Variants in USH2A observed in about 807,000 individuals in gnomAD.
USH2A encodes Usher syndrome 2A (autosomal recessive, mild).
Under a neutral mutation model 538.9 loss-of-function variants are expected in USH2A, and 443 were observed. The ratio of observed to expected loss-of-function variants is 0.82; its 90% confidence interval spans 0.76 to 0.89. USH2A has a LOEUF of 0.89. USH2A is among the 40% of genes least tolerant of loss of function. The pLI, the probability that USH2A is intolerant of heterozygous loss-of-function variation, is 0.00. For missense variants in USH2A, 6,633 were observed against 6,324.8 expected (o/e 1.05, Z -1.65); for synonymous variants, 2,413 against 2,273.5 (o/e 1.06, Z -1.75).
At chr1:215,907,990 A>T (rs1665682399) in intron 38 of USH2A, among the ~76,000 whole-genome samples, 1 of 152,086 alleles carries the variant, frequency 6.6e-6, no homozygotes, top group Non-Finnish European at 1.5e-5. Flanking sequence ...TTACAAAAAA[A>T]TGTGAAAAAT....
chr1:216,200,002 C>G lies in USH2A; in HGVS notation c.3436G>C (p.Gly1146Arg), dbSNP rs758451679. The part of the protein sequence containing the change: ...SVAVTYKTKP[G>R]VPEGNLTLSY... ...AAAGTCAAGTTTCCCTCTGGGACCC[C>G]TGGTTTTGTCTTGTAAGTGACAGCT... The change falls in exon 17 of 72, where the codon GGG (glycine) becomes CGG (arginine). Residue 1146 changes from glycine (G) to arginine (R), a missense_variant. Gly to Arg is a moderately radical substitution (Grantham distance 125, BLOSUM62 -2). Transcript: ENST00000307340. 1.2e-6 allele frequency: 2 copies of G among 1,614,004 alleles called. No homozygotes were observed. The highest frequency in any genetic ancestry group is 2.2e-5 in the East Asian group (1 of 44,846).
chr1:216,328,353 T>C (rs1201270732), intron 4 of USH2A, among the ~76,000 whole-genome samples: 1 of 152,150 alleles, frequency 6.6e-6, no homozygotes, highest in Non-Finnish European at 1.5e-5. Flanking sequence ...CATGGTATTA[T>C]TTTATTTGTT....
chr1:215,716,366 T>C (rs1659487729), intron 61 of USH2A, among the ~76,000 whole-genome samples: 1 of 152,222 alleles, frequency 6.6e-6, no homozygotes, highest in Non-Finnish European at 1.5e-5. Context: ...TTCAGTCCAC[T>C]TATAGAAACC....
At chr1:215,935,085 A>G (rs1666460428) in intron 37 of USH2A, among the ~76,000 whole-genome samples, 1 of 152,102 alleles carries the variant, frequency 6.6e-6, no homozygotes, top group African/African-American at 2.4e-5. Context: ...ACAAGTATCA[A>G]GCATATAAGT....
intron 38 of USH2A, among the ~76,000 whole-genome samples, chr1:215,931,083 A>T (rs1476005560): frequency 6.6e-6 from 1 of 151,982 alleles, no homozygotes; most frequent in Non-Finnish European, 1.5e-5. Flanking sequence ...TGGAAAAAAC[A>T]GAGACGCCCC....
chr1:215,993,492 G>C (rs185282969), intron 34 of USH2A, among the ~76,000 whole-genome samples: 1 of 121,052 alleles, frequency 8.3e-6, no homozygotes, highest in Admixed American at 8.1e-5. Flanking sequence ...TTGCACAAAG[G>C]TTCCCAGAGT....
At chr1:215,881,059 T>C (rs749844087) in intron 41 of USH2A, among the ~76,000 whole-genome samples, 1 of 152,154 alleles carries the variant, frequency 6.6e-6, no homozygotes, top group African/African-American at 2.4e-5. Flanking sequence ...TGAGCAGAGA[T>C]TGCACCATTG....
chr1:216,334,803 A>G (rs572545635), intron 4 of USH2A, among the ~76,000 whole-genome samples: 1 of 152,000 alleles, frequency 6.6e-6, no homozygotes, highest in Non-Finnish European at 1.5e-5. Context: ...ACAACAGTAA[A>G]ATGACAAATT....
intron 30 of USH2A, among the ~76,000 whole-genome samples, chr1:216,060,550 G>A (rs1366995326): frequency 6.6e-6 from 1 of 152,076 alleles, no homozygotes; most frequent in African/African-American, 2.4e-5. Context: ...TATCATTATT[G>A]ATTCATTTGC....
intron 9 of USH2A, among the ~76,000 whole-genome samples, chr1:216,293,004 A>C (rs1484375396): frequency 2.7e-5 from 4 of 149,656 alleles, no homozygotes; most frequent in African/African-American, 7.4e-5. Flanking sequence ...ATAACTTATC[A>C]CACTGAACAC....
chr1:215,970,558 T>C (rs761873158), intron 36 of USH2A, 67 bp downstream of exon 36: 5 of 1,606,338 alleles, frequency 3.1e-6, no homozygotes, highest in Non-Finnish European at 4.3e-6. Flanking sequence ...CGCCACTTAC[T>C]TCTTCCTTAA....
intron 61 of USH2A, among the ~76,000 whole-genome samples, chr1:215,707,043 A>C (rs1313953199): frequency 6.6e-6 from 1 of 152,232 alleles, no homozygotes; most frequent in African/African-American, 2.4e-5. Flanking sequence ...TCATTTAGGC[A>C]GATCAAAGAT....
chr1:215,929,386 T>G (rs1308331167), intron 38 of USH2A, among the ~76,000 whole-genome samples: 5 of 152,052 alleles, frequency 3.3e-5, no homozygotes, highest in Non-Finnish European at 1.5e-5. Flanking sequence ...CTTCCCATGC[T>G]TCCTGCTTAC....
At chr1:216,249,235 AGTC>A (rs2036111204) in intron 12 of USH2A, among the ~76,000 whole-genome samples, 1 of 152,100 alleles carries the variant, frequency 6.6e-6, no homozygotes, top group South Asian at 2.1e-4. Context: ...GAAGTAATTT[AGTC>A]TTCACAAAAT....
At chr1:215,649,544 T>C (rs934792016) in intron 65 of USH2A, among the ~76,000 whole-genome samples, 1 of 152,256 alleles carries the variant, frequency 6.6e-6, no homozygotes, top group Non-Finnish European at 1.5e-5. Flanking sequence ...TAAGCATGGA[T>C]AATCAAGGGT....
At chr1:215,917,132 C>T (rs903926395) in intron 38 of USH2A, among the ~76,000 whole-genome samples, 1 of 152,054 alleles carries the variant, frequency 6.6e-6, no homozygotes, top group Non-Finnish European at 1.5e-5. Context: ...TCATAATGCC[C>T]AGAAGAATTT....
chr1:216,331,721 T>C (rs2037866763), intron 4 of USH2A, among the ~76,000 whole-genome samples: 1 of 152,122 alleles, frequency 6.6e-6, no homozygotes, highest in Admixed American at 6.6e-5. Flanking sequence ...CCAATGGAAA[T>C]TAAAACTTTT....
In USH2A at chr1:215,648,573, G is replaced by C. The variant is rs781558053; in HGVS notation, c.14537C>G (p.Ser4846Cys). ...GAACATGGGGGGACTCCACCGGAAGGAGGCCGTCCTTGAGGCCAGCGTCCC... is the reference window on the plus strand; with the variant it reads ...GAACATGGGGGGACTCCACCGGAAGCAGGCCGTCCTTGAGGCCAGCGTCCC... ...QIGTLASRTA[S>C]FRWSPPMFPN... The change falls in exon 66 of 72, where the codon TCC (serine) becomes TGC (cysteine). Residue 4846 changes from serine to cysteine, a missense_variant. Ser to Cys is a moderately radical substitution (Grantham distance 112). Coordinates refer to ENST00000307340, the MANE Select transcript of USH2A (RefSeq NM_206933.4). 1.9e-6 allele frequency: 3 copies of C among 1,614,074 alleles called. No homozygotes were observed. Among genetic ancestry groups the C allele is most frequent in the African/African-American group, 2.7e-5 (2 of 74,926 alleles).
intron 21 of USH2A, among the ~76,000 whole-genome samples, chr1:216,167,473 G>C (rs2034193374): frequency 6.6e-6 from 1 of 151,990 alleles, no homozygotes; most frequent in South Asian, 2.1e-4. Flanking sequence ...ATGACCTTCT[G>C]GGAACACTTA....
Sources: allele counts gnomAD v4.1 joint callset (sites outside exome capture counted in the v4.1 genomes callset), GRCh38; gene constraint gnomAD v4.1.1; transcripts MANE v1.5; gene names NCBI Gene and HGNC (gene_info 2026-07-23, HGNC 2026-07-21).